The following SLC2A13 variants were observed in gnomAD, a reference collection of about 807,000 sequenced individuals.
SLC2A13 encodes proton myo-inositol cotransporter.
SLC2A13 carries 32 observed loss-of-function variants against 64.4 expected under a neutral mutation model. That is an observed-to-expected ratio of 0.50 (90% CI 0.37 to 0.67). The LOEUF is 0.67. Among genes scored for constraint, SLC2A13 ranks in the 30% least tolerant of loss-of-function variants. SLC2A13 has a pLI of 0.00. For missense variants in SLC2A13, 743 were observed against 829.2 expected, an observed-to-expected ratio of 0.90 and a Z score of 1.28; for synonymous variants, 338 against 327.1, an observed-to-expected ratio of 1.03 and a Z score of -0.36.
chr12:39,975,200 C>A (rs1946738979), intron 3 of SLC2A13, among the ~76,000 whole-genome samples: 1 of 152,116 alleles, frequency 6.6e-6, no homozygotes, highest in Non-Finnish European at 1.5e-5. Flanking sequence ...AAAATGTATA[C>A]TTACTTTCTG....
chr12:39,871,964 G>C lies in SLC2A13; in HGVS notation c.1035-3C>G. 6.3e-7 allele frequency: 1 copy of C among 1,576,414 alleles called. No individual in the cohort carries two copies. The highest frequency in any genetic ancestry group is 8.6e-7 in the Non-Finnish European group (1 of 1,162,554). On this transcript the variant is annotated splice_region_variant and splice_polypyrimidine_tract_variant and intron_variant, in intron 4 of 9. Transcript: ENST00000280871. ...GCAGAATGGTTGCACTGTAGTACCT[G>C]CAAAGCAATGAATAAAACAATTGCT...
At chr12:39,866,445 G>A (rs2135930239) in intron 5 of SLC2A13, among the ~76,000 whole-genome samples, 1 of 152,166 alleles carries the variant, frequency 6.6e-6, no homozygotes, top group Non-Finnish European at 1.5e-5. Context: ...CTCACCTTAC[G>A]GGCTTACAGT....
intron 1 of SLC2A13, among the ~76,000 whole-genome samples, chr12:40,099,975 T>C (rs1470357064): frequency 3.3e-5 from 5 of 152,186 alleles, no homozygotes; most frequent in African/African-American, 1.2e-4. Flanking sequence ...TAGGAGCTTC[T>C]GCCCAACTAT....
In SLC2A13 at chr12:40,028,401, G is replaced by A. The variant is rs377376863; in HGVS notation, c.825C>T (p.Ala275=). 33 of 1,613,740 alleles carry A rather than the reference G, an allele frequency of 2.0e-5. No individual in the cohort carries two copies. The highest frequency in any genetic ancestry group is 1.0e-4 in the Admixed American group (6 of 59,962). ...CACGCATCTGAGATAAAATTCTACG[G>A]GCCTTCTGAGTCTGTCCTTTCTGAA... ...WLIQKGQTQK[A]RRILSQMRGN... Residue 275 remains alanine (A), a synonymous_variant, in exon 3 of 10, where the codon GCC becomes GCT. Coordinates refer to ENST00000280871, the MANE Select transcript of SLC2A13 (RefSeq NM_052885.4).
intron 4 of SLC2A13, among the ~76,000 whole-genome samples, chr12:39,872,497 C>T (rs962134810): frequency 1.3e-5 from 2 of 152,172 alleles, no homozygotes; most frequent in African/African-American, 4.8e-5. Flanking sequence ...AGATGAGAAA[C>T]TGACATGGGA....
chr12:39,880,532 C>T (rs1944313819), intron 4 of SLC2A13, among the ~76,000 whole-genome samples: 1 of 152,044 alleles, frequency 6.6e-6, no homozygotes, highest in Non-Finnish European at 1.5e-5. Context: ...TATCATACTA[C>T]CATTAAATCA....
At chr12:39,970,463 A>C (rs1380099705) in intron 3 of SLC2A13, among the ~76,000 whole-genome samples, 1 of 151,852 alleles carries the variant, frequency 6.6e-6, no homozygotes, top group East Asian at 1.9e-4. Flanking sequence ...TTTTTAATAC[A>C]CTCATTGGTA....
chr12:39,812,455 T>C (rs1942205341), intron 7 of SLC2A13, among the ~76,000 whole-genome samples: 1 of 151,366 alleles, frequency 6.6e-6, no homozygotes, highest in Admixed American at 6.6e-5. Context: ...TCTCTTTCTT[T>C]CTTTCTCCTT....
At position 40,105,388 on chromosome 12, in the gene SLC2A13, G is replaced by C; in HGVS notation, c.421C>G (p.Leu141Val). 1.3e-6 allele frequency: 2 copies of C among 1,560,008 alleles called. No homozygotes were observed. Among genetic ancestry groups the C allele is most frequent in the South Asian group, 2.3e-5 (2 of 85,732 alleles). The change falls in exon 1 of 10, where the codon CTC (leucine) becomes GTC (valine). Residue 141 changes from leucine to valine, a missense_variant. Transcript: ENST00000280871. The surrounding 1 kb of genome is among the most constrained non-coding windows in gnomAD (Gnocchi z 4.2). ...AAVSALAGGA[L>V]NGVFGRRAAI... is the part of the protein sequence containing the mutation. ...GCGCGGCGGCCGAAGACGCCGTTGA[G>C]GGCGCCTCCGGCCAGCGCCGAGACG...
At chr12:39,916,488 C>T (rs896408964) in intron 4 of SLC2A13, among the ~76,000 whole-genome samples, 2 of 152,048 alleles carry the variant, frequency 1.3e-5, no homozygotes, top group Non-Finnish European at 2.9e-5. Flanking sequence ...ATTATATAGA[C>T]ATGTATCCCA....
At chr12:39,977,610 G>A (rs1270074131) in intron 3 of SLC2A13, among the ~76,000 whole-genome samples, 1 of 152,198 alleles carries the variant, frequency 6.6e-6, no homozygotes, top group Non-Finnish European at 1.5e-5. Flanking sequence ...TTATTTCCTT[G>A]ATGTTGCTAC....
rs542274176 is a variant in SLC2A13 at position 39,940,109 on chromosome 12, G to T, written c.1034+11148C>A. Among the ~76,000 whole-genome samples the T allele has an allele frequency of 2.6e-5, 4 of 152,140 alleles. No individual in the cohort carries two copies. The East Asian group carries it at 7.7e-4, about 29-fold the overall frequency. The stretch of plus-strand genomic sequence containing the variant: ...TCACTAACTTCCAGCCAATGAACAC[G>T]AATGAGTACAATTCACTAATCTGGA... On this transcript the variant is annotated intron_variant, in intron 4 of 9. Coordinates refer to ENST00000280871, the MANE Select transcript of SLC2A13 (RefSeq NM_052885.4).
At chr12:40,010,528 T>C (rs937564052) in intron 3 of SLC2A13, among the ~76,000 whole-genome samples, 2 of 152,166 alleles carry the variant, frequency 1.3e-5, no homozygotes, top group Non-Finnish European at 2.9e-5. Flanking sequence ...GTCTACAATC[T>C]CCATAAATAA....
intron 1 of SLC2A13, among the ~76,000 whole-genome samples, chr12:40,097,547 T>C (rs922110160): frequency 1.3e-5 from 2 of 152,016 alleles, no homozygotes; most frequent in Non-Finnish European, 2.9e-5. Flanking sequence ...CAATTAAAAA[T>C]AGGTCAGGGA....
At chr12:39,891,027 A>G (rs938011863) in intron 4 of SLC2A13, among the ~76,000 whole-genome samples, 1 of 152,072 alleles carries the variant, frequency 6.6e-6, no homozygotes, top group Non-Finnish European at 1.5e-5. Context: ...TATTTAAACA[A>G]TGAATCTTAT....
intron 1 of SLC2A13, among the ~76,000 whole-genome samples, chr12:40,073,860 A>G (rs1416159274): frequency 6.6e-6 from 1 of 152,034 alleles, no homozygotes; most frequent in African/African-American, 2.4e-5. Context: ...GCCTTCACAT[A>G]GCTATTCTGC....
intron 5 of SLC2A13, among the ~76,000 whole-genome samples, chr12:39,869,245 G>A (rs1005153469): frequency 2.0e-5 from 3 of 152,184 alleles, no homozygotes; most frequent in Non-Finnish European, 4.4e-5. Flanking sequence ...ATACTAATGT[G>A]TTAACAAGGT....
intron 7 of SLC2A13, among the ~76,000 whole-genome samples, chr12:39,810,861 G>A (rs543659028): frequency 5.9e-5 from 9 of 152,214 alleles, no homozygotes; most frequent in Admixed American, 3.9e-4. Flanking sequence ...ATACAAGGGA[G>A]ATACTGCGAT....
At chr12:39,828,290 T>G (rs1202455063) in intron 7 of SLC2A13, among the ~76,000 whole-genome samples, 1 of 152,116 alleles carries the variant, frequency 6.6e-6, no homozygotes, top group Non-Finnish European at 1.5e-5. Flanking sequence ...AGTTTGAGAC[T>G]ATTGTAAGGA....
Sources: allele counts gnomAD v4.1 joint callset (sites outside exome capture counted in the v4.1 genomes callset), GRCh38; gene constraint gnomAD v4.1.1; non-coding constraint Gnocchi (gnomAD v3.1); transcripts MANE v1.5; gene names NCBI Gene and HGNC (gene_info 2026-07-23, HGNC 2026-07-21).